Variants in RTN4 observed in about 807,000 individuals in gnomAD.
The protein encoded by RTN4 is reticulon-4.
A neutral mutation model predicts 90.4 loss-of-function variants in RTN4; 32 were observed. That is an observed-to-expected ratio of 0.35 (90% CI 0.27 to 0.48). The LOEUF is 0.48. Among genes scored for constraint, RTN4 ranks in the 20% least tolerant of loss-of-function variants. The pLI, the probability that RTN4 is intolerant of heterozygous loss-of-function variation, is 0.99. For missense variants in RTN4, 1,706 were observed against 1,430.2 expected (o/e 1.19, Z -3.11); for synonymous variants, 629 against 552.5 (o/e 1.14, Z -1.94).
At position 55,025,881 on chromosome 2, in the gene RTN4, G is replaced by T; in HGVS notation, c.2218C>A (p.Pro740Thr). The change falls in exon 3 of 9, where the codon CCT becomes ACT. Residue 740 changes from proline to threonine, a missense_variant. Pro to Thr is a conservative substitution (Grantham distance 38, BLOSUM62 -1). Coordinates refer to ENST00000337526, the MANE Select transcript of RTN4 (RefSeq NM_020532.5). ...AATAAGTCAACTGGTTCAGAATCAG[G>T]TGAGGAATCTTCAACTAGCTCAGAA... The part of the protein sequence containing the change: ...DHSELVEDSS[P>T]DSEPVDLFSD... 6.2e-7 allele frequency: 1 copy of T among 1,613,744 alleles called. No individual in the cohort carries two copies. Among genetic ancestry groups the T allele is most frequent in the Non-Finnish European group, 8.5e-7 (1 of 1,179,828 alleles).
chr2:55,013,276 C>T lies in RTN4; in HGVS notation c.3013+11810G>A, dbSNP rs530939831. ...TACAGAACTTTTGAAATAAACTGTT[C>T]AAAGTTCATATTTGGCAATTTCCCA... On this transcript the variant is annotated intron_variant, in intron 3 of 8. Transcript: ENST00000337526. Among the ~76,000 whole-genome samples the T allele has an allele frequency of 7.2e-5, 11 of 152,144 alleles. 1 individual carries two copies. In the South Asian group the frequency reaches 1.7e-3, roughly 23 times the overall value.
chr2:54,993,099 G>C lies in RTN4; in HGVS notation c.3014-5401C>G, dbSNP rs929596966. Among the ~76,000 whole-genome samples, 6 of 143,952 alleles carry C rather than the reference G, an allele frequency of 4.2e-5. No individual in the cohort carries two copies. In the East Asian group the frequency reaches 9.9e-4, roughly 24 times the overall value. The allele number at this position is 143,952 out of a possible 152,430, so 94.4% of individuals were successfully genotyped here. ...GGAAAAAAAAAAAAAAAAAAGAAAA[G>C]AAATTAAACATATAACTATGAAGTC... is the stretch of plus-strand genomic sequence containing the variant. On this transcript the variant is annotated intron_variant, in intron 3 of 8. Coordinates refer to ENST00000337526, the MANE Select transcript of RTN4 (RefSeq NM_020532.5).
At chr2:55,039,848 T>C (rs2104933908) in intron 1 of RTN4, among the ~76,000 whole-genome samples, 1 of 152,342 alleles carries the variant, frequency 6.6e-6, no homozygotes, top group East Asian at 1.9e-4. Flanking sequence ...TTGAAGACAT[T>C]TTAACCGTAG....
the RTN4 span, among the ~76,000 whole-genome samples, chr2:55,131,736 T>C: frequency 6.6e-6 from 1 of 151,828 alleles, no homozygotes; most frequent in African/African-American, 2.4e-5. Flanking sequence ...ATACAAAAAT[T>C]AGCCGGGCGT....
In RTN4 at chr2:55,099,125, G is replaced by A. The variant is rs1051994424; in HGVS notation, c.-214+13395C>T. Among the ~76,000 whole-genome samples, 4 of 152,014 alleles carry A rather than the reference G, an allele frequency of 2.6e-5. 1 individual carries two copies. Among genetic ancestry groups the A allele is most frequent in the African/African-American group, 4.8e-5 (2 of 41,340 alleles). On this transcript the variant is annotated intron_variant, in intron 1 of 3. Coordinates refer to the RTN4 transcript ENST00000427710. ...CCTTTGTTGTTTAGTGGCTGAATTA[G>A]TTCTTTAAACAAGAACTTCACCTCA... is the stretch of plus-strand genomic sequence containing the variant.
the RTN4 span, among the ~76,000 whole-genome samples, chr2:55,124,289 G>A: frequency 2.6e-5 from 4 of 152,330 alleles, no homozygotes; most frequent in Admixed American, 2.0e-4. Flanking sequence ...TTTCCGTCTA[G>A]ATCCAGTTTG....
At chr2:55,010,179 C>G in intron 3 of RTN4, 1 of 1,610,364 alleles carries the variant, frequency 6.2e-7, no homozygotes, top group South Asian at 1.1e-5. Flanking sequence ...AACAGAAAAG[C>G]TGTAACTGCA....
chr2:55,133,239 T>G, the RTN4 span, among the ~76,000 whole-genome samples: 1 of 152,102 alleles, frequency 6.6e-6, no homozygotes, highest in African/African-American at 2.4e-5. Flanking sequence ...ATAAAAAAAT[T>G]TGTGGGTACA....
intron 1 of RTN4, among the ~76,000 whole-genome samples, chr2:55,112,301 A>G (rs1283407670): frequency 6.6e-6 from 1 of 152,208 alleles, no homozygotes; most frequent in East Asian, 1.9e-4. Context: ...CCCGGACAGC[A>G]ACCCCGTAAA....
intron 2 of RTN4, chr2:55,056,614 G>A (rs1354116326): frequency 1.3e-5 from 2 of 151,280 alleles, no homozygotes; most frequent in Non-Finnish European, 2.9e-5. Flanking sequence ...CAAACTGGGT[G>A]ACAGAGCAAG....
intron 1 of RTN4, among the ~76,000 whole-genome samples, chr2:55,037,841 A>C (rs1051387067): frequency 1.3e-5 from 2 of 152,218 alleles, no homozygotes; most frequent in Admixed American, 6.5e-5. Context: ...AGAAGACACA[A>C]AACAATTTTG....
upstream of RTN4, among the ~76,000 whole-genome samples, chr2:55,053,324 T>G (rs907127094): frequency 2.6e-5 from 4 of 152,188 alleles, no homozygotes; most frequent in Admixed American, 2.6e-4. Flanking sequence ...TTGAACCAGT[T>G]AAAAGAAAAA....
the RTN4 span, among the ~76,000 whole-genome samples, chr2:55,132,979 A>T: frequency 6.6e-6 from 1 of 151,838 alleles, no homozygotes; most frequent in Non-Finnish European, 1.5e-5. Flanking sequence ...TGGGAGGCCG[A>T]GGCAGGTGGA....
rs1328792898 is a variant in RTN4, at chr2:54,978,763, A to G, written c.3360+3752T>C. On this transcript the variant is annotated intron_variant, in intron 5 of 8. Coordinates refer to ENST00000337526, the MANE Select transcript of RTN4 (RefSeq NM_020532.5). Reference sequence around the variant, plus strand: ...ACTTCCTATAAATTTTAAAAAACTCATTGTTATTTAAATAAGAAAAAACAT... The same window carrying G: ...ACTTCCTATAAATTTTAAAAAACTCGTTGTTATTTAAATAAGAAAAAACAT... Among the ~76,000 whole-genome samples the G allele has an allele frequency of 2.6e-5, 4 of 152,290 alleles. No individual in the cohort carries two copies. In the East Asian group the frequency reaches 7.7e-4, roughly 29 times the overall value.
At chr2:55,117,621 T>C (rs1668147265), upstream of RTN4, among the ~76,000 whole-genome samples, 1 of 152,206 alleles carries the variant, frequency 6.6e-6, no homozygotes, top group African/African-American at 2.4e-5. Flanking sequence ...AGGGCAACAA[T>C]TGCTGTGTTA....
intron 4 of RTN4, among the ~76,000 whole-genome samples, chr2:54,986,139 C>A (rs1226884599): frequency 6.6e-6 from 1 of 152,064 alleles, no homozygotes; most frequent in African/African-American, 2.4e-5. Context: ...AAATGAGAGA[C>A]AAGACAAAGA....
At chr2:55,060,825 T>A (rs1249998183) in intron 2 of RTN4, 1 of 152,176 alleles carries the variant, frequency 6.6e-6, no homozygotes, top group Admixed American at 6.6e-5. Context: ...GAGGCTGAGG[T>A]GGGAGGATTA....
intron 3 of RTN4, among the ~76,000 whole-genome samples, chr2:55,005,715 T>A (rs1468293993): frequency 6.6e-6 from 1 of 152,180 alleles, no homozygotes; most frequent in Non-Finnish European, 1.5e-5. Flanking sequence ...TTTGGAAATA[T>A]TTTGGAATAC....
Position 55,034,791 on chromosome 2 carries a change from AAATT to A in RTN4, c.557-6575_557-6572del, listed in dbSNP as rs75514436. ...TTCAAAGAATAACTTTCTGAAGCAC[AAATT>A]ATCACAAAATACAATAACTATAATA... On this transcript the variant is annotated intron_variant, in intron 1 of 8. Transcript: ENST00000337526. 7.9e-5 allele frequency among the ~76,000 whole-genome samples: 12 copies of A among 152,328 alleles called. No homozygotes were observed. In the East Asian group the frequency reaches 1.9e-3, roughly 24 times the overall value.
Sources: allele counts gnomAD v4.1 joint callset (sites outside exome capture counted in the v4.1 genomes callset), GRCh38; gene constraint gnomAD v4.1.1; transcripts MANE v1.5; gene names NCBI Gene and HGNC (gene_info 2026-07-23, HGNC 2026-07-21).